DPPA4: variants seen among roughly 807,000 people sequenced by gnomAD.
DPPA4 encodes the protein developmental pluripotency associated 4.
DPPA4 carries 22 observed loss-of-function variants against 33.7 expected under a neutral mutation model. The ratio of observed to expected loss-of-function variants is 0.65; its 90% CI spans 0.47 to 0.93. The LOEUF is 0.93. Among genes scored for constraint, DPPA4 ranks in the 40% least tolerant of loss-of-function variants. DPPA4 has a pLI of 0.00. For synonymous variants in DPPA4, 156 were observed against 132.3 expected (o/e 1.18, Z -1.23); for missense variants, 340 against 358.6 (o/e 0.95, Z 0.42).
intron 1 of DPPA4, among the ~76,000 whole-genome samples, chr3:109,334,589 C>A (rs1283045366): frequency 2.0e-5 from 3 of 151,998 alleles, no homozygotes; most frequent in Admixed American, 1.3e-4. Context: ...TCTCACCTGG[C>A]AGAATTTTTT....
rs756354044 is a variant in DPPA4 at position 109,333,932 on chromosome 3, A to G, written c.116T>C (p.Ile39Thr). ...DQQASNQPNS[I>T]ALPGTSAKRT... ...CTTTGCTGATGTTCCTGGCAAAGCA[A>G]TTGAATTTGGTTGATTAGAAGCCTG... Residue 39 changes from isoleucine to threonine, a missense_variant, in exon 2 of 7, where the codon ATT (isoleucine) becomes ACT (threonine). Physicochemically the swap from Ile to Thr is moderately conservative, Grantham distance 89. This residue lies in a region of DPPA4 where 96 missense variants were observed against 91.8 expected (regional missense o/e 1.05). Coordinates refer to ENST00000335658, the MANE Select transcript of DPPA4 (RefSeq NM_018189.4). 3 of 1,614,088 alleles carry G rather than the reference A, an allele frequency of 1.9e-6. No homozygotes were observed. In the South Asian group the frequency reaches 3.3e-5, roughly 18 times the overall value.
Position 109,331,766 on chromosome 3 carries a change from G to A in DPPA4, c.358C>T (p.Arg120Cys), listed in dbSNP as rs1708085475. 3 of 1,613,972 alleles carry A rather than the reference G, an allele frequency of 1.9e-6. No individual in the cohort carries two copies. Among genetic ancestry groups the A allele is most frequent in the Non-Finnish European group, 1.7e-6 (2 of 1,179,992 alleles). The change falls in exon 4 of 7, where the codon CGC (arginine) becomes TGC (cysteine). Residue 120 changes from arginine to cysteine, a missense_variant. Transcript: ENST00000335658. Reference sequence around the variant, plus strand: ...TTTGGGTAGGCAAAGGCACACAGGCGCTTATATGCATCCAATTTCTAAGAC... The same window carrying A: ...TTTGGGTAGGCAAAGGCACACAGGCACTTATATGCATCCAATTTCTAAGAC... ...SKGQKLDAYKRLCAFAYPNQK... is the reference protein window; with the variant it reads ...SKGQKLDAYKCLCAFAYPNQK...
Position 109,326,346 on chromosome 3 carries a change from C to T in DPPA4, c.*1642G>A, listed in dbSNP as rs1020879320. On this transcript the variant is annotated 3_prime_UTR_variant, in exon 7 of 7. Transcript: ENST00000335658. ...TAAAAAGGAAACAAAAGGAACAATACACATAGTATAAGAAAAAATGTCTAT... is the reference window on the plus strand; with the variant it reads ...TAAAAAGGAAACAAAAGGAACAATATACATAGTATAAGAAAAAATGTCTAT... 2 of 151,826 alleles carry T rather than the reference C, an allele frequency of 1.3e-5. No individual in the cohort carries two copies. Among genetic ancestry groups the T allele is most frequent in the Admixed American group, 6.6e-5 (1 of 15,246 alleles). 9.4% of individuals were successfully genotyped at this position (151,826 alleles called of 1,614,324 possible). A position where few individuals can be genotyped will look rare whatever the true frequency, so the allele number is the denominator to read the frequency against.
chr3:109,337,576 G>A, upstream of DPPA4: 1 of 1,500,084 alleles, frequency 6.7e-7, no homozygotes, highest in Non-Finnish European at 9.3e-7. Context: ...CCCACTTCCT[G>A]CCGCCCGAAG....
chr3:109,329,421 G>C (rs1221668489), intron 5 of DPPA4: 1 of 234,836 alleles, frequency 4.3e-6, no homozygotes, highest in African/African-American at 2.2e-5. Context: ...TGTAGTCCCA[G>C]CTACTCAGGA....
At chr3:109,335,618 G>A (rs1708177343) in intron 1 of DPPA4, among the ~76,000 whole-genome samples, 1 of 151,678 alleles carries the variant, frequency 6.6e-6, no homozygotes, top group African/African-American at 2.4e-5. Flanking sequence ...TAGTAGAGAT[G>A]GGGGTTTCAC....
chr3:109,328,857 CTT>C, intron 6 of DPPA4, 31 bp downstream of exon 6: 3 of 1,583,560 alleles, frequency 1.9e-6, no homozygotes, highest in Non-Finnish European at 2.6e-6. Context: ...CCGGCACCCA[CTT>C]TTAGTTTGTA....
chr3:109,337,905 A>G (rs1708245934), upstream of DPPA4, among the ~76,000 whole-genome samples: 1 of 152,194 alleles, frequency 6.6e-6, no homozygotes. Context: ...AACTTGTGGC[A>G]ACAGTAGACT....
chr3:109,333,652 A>G, intron 2 of DPPA4: 1 of 378,442 alleles, frequency 2.6e-6, no homozygotes, highest in South Asian at 4.8e-5. Context: ...AGCAGAACCA[A>G]ATATGCTGTG....
At chr3:109,333,349 CAAA>C (rs56044946) in intron 2 of DPPA4, 4,035 of 96,484 alleles carry the variant, frequency 0.042, 63 homozygotes, top group East Asian at 0.085. Flanking sequence ...CTTGGTGTCT[CAAA>C]AAAAAAAAAA....
chr3:109,326,978 A>G lies in DPPA4; in HGVS notation c.*1010T>C, dbSNP rs1305961110. 9 of 152,194 alleles carry G rather than the reference A, an allele frequency of 5.9e-5. No homozygotes were observed. The highest frequency in any genetic ancestry group is 1.3e-4 in the Non-Finnish European group (9 of 68,034). The allele number at this position is 152,194 out of a possible 1,614,324, so 9.4% of individuals were successfully genotyped here. ...ATACACATCTTATTTTTATTTATGG[A>G]GAATCGGTTAATAAACACATTTTAA... On this transcript the variant is annotated 3_prime_UTR_variant, in exon 7 of 7. Coordinates refer to ENST00000335658, the MANE Select transcript of DPPA4 (RefSeq NM_018189.4).
At chr3:109,335,795 A>T (rs1708182519) in intron 1 of DPPA4, among the ~76,000 whole-genome samples, 1 of 152,088 alleles carries the variant, frequency 6.6e-6, no homozygotes, top group Admixed American at 6.6e-5. Flanking sequence ...TCTCAGACAC[A>T]GAAGCTGAGA....
At position 109,328,003 on chromosome 3, in the gene DPPA4, G is replaced by A; in HGVS notation, c.900C>T (p.Ser300=). ...CVHRNKVLIK[S]LQWE is the part of the protein sequence containing the mutation. Reference sequence around the variant, plus strand: ...TCCTGATATTCTATTCCCATTGGAGGCTTTTTATTAAGACCTTGTTCCTAT... The same window carrying A: ...TCCTGATATTCTATTCCCATTGGAGACTTTTTATTAAGACCTTGTTCCTAT... The change falls in exon 7 of 7, where the codon AGC becomes AGT. Residue 300 remains serine, a synonymous_variant. Transcript: ENST00000335658. 3.9e-6 allele frequency: 6 copies of A among 1,543,152 alleles called. No homozygotes were observed. Among genetic ancestry groups the A allele is most frequent in the Non-Finnish European group, 5.4e-6 (6 of 1,116,390 alleles).
chr3:109,333,443 A>T (rs939312004), intron 2 of DPPA4: 1 of 173,726 alleles, frequency 5.8e-6, no homozygotes. Context: ...GGCATAGTCT[A>T]AGTGCTTCAC....
chr3:109,337,029 T>C (rs978697566), intron 1 of DPPA4, among the ~76,000 whole-genome samples: 2 of 151,996 alleles, frequency 1.3e-5, no homozygotes, highest in African/African-American at 4.8e-5. Flanking sequence ...GCCTCCCGAG[T>C]AGCTGGGATT....
chr3:109,336,046 G>A lies in DPPA4; in HGVS notation c.54+1418C>T, dbSNP rs141397027. 1.5e-3 allele frequency among the ~76,000 whole-genome samples: 228 copies of A among 151,448 alleles called. 3 individuals carry two copies. Among genetic ancestry groups the A allele is most frequent in the African/African-American group, 5.0e-3 (208 of 41,324 alleles). Reference sequence around the variant, plus strand: ...TGCGTGCCTGCAATCCCAGCTAATCGAGAGGCTGAGTCAGGAGAATCGCTT... The same window carrying A: ...TGCGTGCCTGCAATCCCAGCTAATCAAGAGGCTGAGTCAGGAGAATCGCTT... On this transcript the variant is annotated intron_variant, in intron 1 of 6. Transcript: ENST00000335658.
At position 109,327,952 on chromosome 3, in the gene DPPA4, A is replaced by G; in HGVS notation, c.*36T>C. 1 of 1,471,398 alleles carries G rather than the reference A, an allele frequency of 6.8e-7. No homozygotes were observed. The highest frequency in any genetic ancestry group is 9.5e-7 in the Non-Finnish European group (1 of 1,053,068). The allele number at this position is 1,471,398 out of a possible 1,614,324, so 91.1% of individuals were successfully genotyped here. A position where few individuals can be genotyped will look rare whatever the true frequency, so the allele number is the denominator to read the frequency against. ...AATCCAACTCTCCAGCTTTTCTGCC[A>G]TTAATTACCATAGATGTGGCCTTTT... On this transcript the variant is annotated 3_prime_UTR_variant, in exon 7 of 7. Coordinates refer to ENST00000335658, the MANE Select transcript of DPPA4 (RefSeq NM_018189.4).
In DPPA4 at chr3:109,330,791, CTT is replaced by C. The variant is rs1491156029; in HGVS notation, c.410_411del (p.Lys137ArgfsTer25). 6.2e-7 allele frequency: 1 copy of C among 1,612,026 alleles called. No individual in the cohort carries two copies. ...TGCAATGATTTCCGGATTTTGGCCT[CTT>C]TTGCTGTGCTAGGAAAATCCTACAA... is the stretch of plus-strand genomic sequence containing the variant. ...PNQKDFPSTAKEAKIRKSLQK... is the reference protein window; with the variant it reads ...PNQKDFPSTAXEAKIRKSLQK... On this transcript the variant is annotated frameshift_variant, in exon 5 of 7. Coordinates refer to ENST00000335658, the MANE Select transcript of DPPA4 (RefSeq NM_018189.4). LOFTEE classifies it high-confidence loss of function.
At chr3:109,328,732 T>C (rs1316477366) in intron 6 of DPPA4, among the ~76,000 whole-genome samples, 158 bp downstream of exon 6, 1 of 152,220 alleles carries the variant, frequency 6.6e-6, no homozygotes, top group Non-Finnish European at 1.5e-5. Flanking sequence ...TTCTTTTTCC[T>C]GGGGATAAAC....
Sources: allele counts gnomAD v4.1 joint callset (sites outside exome capture counted in the v4.1 genomes callset), GRCh38; gene constraint gnomAD v4.1.1; regional missense constraint gnomAD v4.1.1; transcripts MANE v1.5; gene names NCBI Gene and HGNC (gene_info 2026-07-23, HGNC 2026-07-21).